CENPQ: variants seen among roughly 807,000 people sequenced by gnomAD.
CENPQ encodes centromere protein Q.
CENPQ carries 27 observed loss-of-function variants against 36.6 expected under a neutral mutation model. The observed-to-expected ratio is 0.74, with a 90% CI of 0.54 to 1.02. CENPQ has a LOEUF of 1.02. Among genes scored for constraint, CENPQ ranks in the 50% least tolerant of loss-of-function variants. CENPQ has a pLI of 0.00. For missense variants in CENPQ, 306 were observed against 301.8 expected, an observed-to-expected ratio of 1.01 and a Z score of -0.10; for synonymous variants, 101 against 101.7, an observed-to-expected ratio of 0.99 and a Z score of 0.04.
chr6:49,483,483 G>T (rs1013702175), intron 6 of CENPQ, among the ~76,000 whole-genome samples: 6 of 152,266 alleles, frequency 3.9e-5, no homozygotes, highest in South Asian at 2.1e-4. Context: ...CGGCGCTCAT[G>T]GGGGAGGCTC....
Position 49,470,254 on chromosome 6 carries a change from G to T in CENPQ, c.78G>T (p.Glu26Asp). Residue 26 changes from glutamate (E) to aspartate (D), a missense_variant, in exon 2 of 9, where the codon GAG (glutamate) becomes GAT (aspartate). By Grantham distance (45) the Glu-to-Asp change is conservative. Transcript: ENST00000335783. ...KRNPKRKKDN[E>D]EVVLSENKVR... ...ATCCAAAGAGAAAAAAGGATAATGAGGAAGTTGTGTTGTCAGAGAATAAGG... is the reference window on the plus strand; with the variant it reads ...ATCCAAAGAGAAAAAAGGATAATGATGAAGTTGTGTTGTCAGAGAATAAGG... 6.2e-7 allele frequency: 1 copy of T among 1,601,664 alleles called. No individual in the cohort carries two copies. Among genetic ancestry groups the T allele is most frequent in the Non-Finnish European group, 8.5e-7 (1 of 1,171,548 alleles).
Position 49,472,189 on chromosome 6 carries a change from T to G in CENPQ, c.278+6T>G. ...ATGATGGAATCAGTAATAATGTGAG[T>G]ATAAAATTGTTCCATTTCATTCTTT... On this transcript the variant is annotated splice_donor_region_variant and intron_variant, in intron 4 of 8. Coordinates refer to ENST00000335783, the MANE Select transcript of CENPQ (RefSeq NM_018132.4). 6.3e-7 allele frequency: 1 copy of G among 1,590,288 alleles called. No homozygotes were observed. Among genetic ancestry groups the G allele is most frequent in the South Asian group, 1.2e-5 (1 of 86,246 alleles).
intron 5 of CENPQ, among the ~76,000 whole-genome samples, chr6:49,475,354 C>A (rs1442743820): frequency 6.6e-6 from 1 of 152,100 alleles, no homozygotes; most frequent in Non-Finnish European, 1.5e-5. Context: ...GCAGAAAAGG[C>A]CTTTGACAAA....
chr6:49,470,097 G>T (rs1290365765), intron 1 of CENPQ, 62 bp from the exon 2 acceptor site: 15 of 687,554 alleles, frequency 2.2e-5, no homozygotes, highest in Admixed American at 6.9e-5. Context: ...ACAAAACATT[G>T]TGCAAGGCTT....
chr6:49,480,981 C>T lies in CENPQ; in HGVS notation c.378C>T (p.Val126=). 1.2e-6 allele frequency: 2 copies of T among 1,606,184 alleles called. No individual in the cohort carries two copies. Among genetic ancestry groups the T allele is most frequent in the South Asian group, 2.2e-5 (2 of 89,520 alleles). The stretch of plus-strand genomic sequence containing the variant: ...TACAACAGTGTGAAACTCTGAAAGT[C>T]CCTCCCAAAAAGATGGAAGATTTAA... ...RLLQQCETLK[V]PPKKMEDLTN... Residue 126 remains valine (V), a synonymous_variant, in exon 6 of 9, where the codon GTC becomes GTT. Transcript: ENST00000335783.
At chr6:49,477,840 G>T (rs915888516) in intron 5 of CENPQ, among the ~76,000 whole-genome samples, 1 of 152,094 alleles carries the variant, frequency 6.6e-6, no homozygotes, top group African/African-American at 2.4e-5. Context: ...GAAGGAAGAA[G>T]ATATTAAAAA....
At chr6:49,483,847 C>T (rs1768515683) in intron 6 of CENPQ, among the ~76,000 whole-genome samples, 1 of 152,230 alleles carries the variant, frequency 6.6e-6, no homozygotes, top group African/African-American at 2.4e-5. Flanking sequence ...CCTTGGCCAG[C>T]CCAGAAAGGG....
chr6:49,477,826 TAAAG>T (rs1645930452), intron 5 of CENPQ, among the ~76,000 whole-genome samples: 1 of 152,152 alleles, frequency 6.6e-6, no homozygotes. Context: ...AGCCTATTAT[TAAAG>T]AAGGAAGAAG....
chr6:49,466,378 G>A (rs1768000099), intron 1 of CENPQ, among the ~76,000 whole-genome samples: 1 of 152,196 alleles, frequency 6.6e-6, no homozygotes, highest in Non-Finnish European at 1.5e-5. Context: ...GTTCAGTGCA[G>A]GCTTGCCACA....
intron 6 of CENPQ, 94 bp from the exon 7 acceptor site, chr6:49,488,258 G>A: frequency 1.0e-6 from 1 of 959,562 alleles, no homozygotes; most frequent in Non-Finnish European, 1.5e-6. Flanking sequence ...TATATATGGT[G>A]TTTTTTTAAA....
chr6:49,464,087 T>A (rs1767935057), intron 1 of CENPQ, among the ~76,000 whole-genome samples: 1 of 152,202 alleles, frequency 6.6e-6, no homozygotes, highest in African/African-American at 2.4e-5. Context: ...GGCTAAATAT[T>A]TCAAAATGTT....
chr6:49,468,167 A>G (rs1294451267), intron 1 of CENPQ, among the ~76,000 whole-genome samples: 1 of 151,798 alleles, frequency 6.6e-6, no homozygotes. Flanking sequence ...GGGCTGCAGC[A>G]TATTGACTTA....
intron 6 of CENPQ, among the ~76,000 whole-genome samples, chr6:49,486,989 A>T (rs1011009191): frequency 6.6e-6 from 1 of 150,864 alleles, no homozygotes; most frequent in Non-Finnish European, 1.5e-5. Flanking sequence ...TCTACTTACA[A>T]TACAGAAAAA....
intron 5 of CENPQ, among the ~76,000 whole-genome samples, chr6:49,477,359 G>A (rs1768320238): frequency 1.4e-5 from 2 of 146,380 alleles, no homozygotes; most frequent in Non-Finnish European, 3.0e-5. Context: ...TCATAGGTGT[G>A]AATTGAACAA....
intron 1 of CENPQ, among the ~76,000 whole-genome samples, chr6:49,464,603 A>G (rs576754814): frequency 1.3e-5 from 2 of 152,338 alleles, no homozygotes; most frequent in Admixed American, 1.3e-4. Context: ...TGCTTTAGCA[A>G]CTAAGGTTTT....
intron 5 of CENPQ, among the ~76,000 whole-genome samples, chr6:49,475,531 T>G (rs895558952): frequency 6.6e-6 from 1 of 152,202 alleles, no homozygotes. Flanking sequence ...GGATGCCCTC[T>G]CTCACCAATC....
chr6:49,482,609 A>G (rs1367726989), intron 6 of CENPQ, among the ~76,000 whole-genome samples: 2 of 152,082 alleles, frequency 1.3e-5, no homozygotes, highest in African/African-American at 2.4e-5. Context: ...GACCATCTGT[A>G]GCTTGATGGC....
At chr6:49,467,218 G>T (rs9395494) in intron 1 of CENPQ, among the ~76,000 whole-genome samples, 32,182 of 152,090 alleles carry the variant, frequency 0.21, 3,656 homozygotes, top group East Asian at 0.28. Flanking sequence ...GACCAGTTTT[G>T]CTTTTTATTT....
intron 5 of CENPQ, among the ~76,000 whole-genome samples, chr6:49,476,951 A>T (rs1451206265): frequency 6.6e-6 from 1 of 152,216 alleles, no homozygotes; most frequent in African/African-American, 2.4e-5. Context: ...CAGAAATAGG[A>T]ACACTTTTAC....
Sources: gnomAD v4.1 joint callset for allele counts (sites outside exome capture counted in the v4.1 genomes callset) on GRCh38, gnomAD v4.1.1 for gene constraint, MANE v1.5 for transcripts, NCBI Gene and HGNC (gene_info 2026-07-23, HGNC 2026-07-21) for gene names.